The following DOCK8 variants were observed in gnomAD, a reference collection of about 807,000 sequenced individuals.
DOCK8 encodes the protein dedicator of cytokinesis protein 8.
DOCK8 carries 141 observed loss-of-function variants against 245.6 expected under a neutral mutation model. That is an observed-to-expected ratio of 0.57 (90% CI 0.50 to 0.66). The LOEUF (loss-of-function observed/expected upper bound fraction) is 0.66, where lower values mean the gene tolerates loss of function less well. DOCK8 is among the 30% of genes least tolerant of loss of function. The probability of loss-of-function intolerance (pLI) is 0.00; values close to 1 mark genes in which losing one functional copy is unlikely to be tolerated. For missense variants in DOCK8, 2,965 were observed against 2,603.4 expected (o/e 1.14, Z -3.02); for synonymous variants, 1,168 against 970.2 (o/e 1.20, Z -3.79).
chr9:298,983 T>A (rs2049402680), intron 4 of DOCK8, among the ~76,000 whole-genome samples: 1 of 152,158 alleles, frequency 6.6e-6, no homozygotes, highest in African/African-American at 2.4e-5. Context: ...TAGGATAAAT[T>A]AATGTTAGAT....
At chr9:343,079 C>T (rs11791146) in intron 14 of DOCK8, among the ~76,000 whole-genome samples, 6,084 of 152,190 alleles carry the variant, frequency 0.04, 150 homozygotes, top group Admixed American at 0.072. Context: ...TCCAGTATGA[C>T]GTATGTGGGA....
At position 334,218 on chromosome 9, in the gene DOCK8, C is replaced by T. The variant is rs763513686; in HGVS notation, c.1126-7C>T. ...GTTTCAGCTTGTTTCTTTCCATTTTCCTCCAGAGTAAAGAAAAGATTGAAA... is the reference window on the plus strand; with the variant it reads ...GTTTCAGCTTGTTTCTTTCCATTTTTCTCCAGAGTAAAGAAAAGATTGAAA... On this transcript the variant is annotated splice_polypyrimidine_tract_variant and splice_region_variant and intron_variant, in intron 10 of 47. Coordinates refer to ENST00000432829, the MANE Select transcript of DOCK8 (RefSeq NM_203447.4). 5 of 1,614,116 alleles carry T rather than the reference C, an allele frequency of 3.1e-6. No individual in the cohort carries two copies. Among genetic ancestry groups the T allele is most frequent in the East Asian group, 2.2e-5 (1 of 44,872 alleles).
intron 46 of DOCK8, among the ~76,000 whole-genome samples, chr9:453,213 C>T (rs962846366): frequency 9.2e-5 from 14 of 152,154 alleles, no homozygotes; most frequent in African/African-American, 1.9e-4. Context: ...GAATCACAGC[C>T]GCTTGGTAAT....
At chr9:434,301 A>G (rs890828601) in intron 38 of DOCK8, among the ~76,000 whole-genome samples, 7 of 152,216 alleles carry the variant, frequency 4.6e-5, no homozygotes, top group African/African-American at 1.7e-4. Context: ...TTTTGTTCCA[A>G]TTATATTCAG....
At chr9:247,405 C>T (rs961852707) in intron 1 of DOCK8, among the ~76,000 whole-genome samples, 8 of 152,086 alleles carry the variant, frequency 5.3e-5, no homozygotes, top group South Asian at 2.1e-4. Context: ...AGGGTATTTT[C>T]GACAGCAAAT....
chr9:214,805 C>G, upstream of DOCK8: 1 of 1,587,168 alleles, frequency 6.3e-7, no homozygotes. Context: ...CGAGCTCGGA[C>G]CCTCCCCCGG....
At chr9:263,964 T>C (rs1236024911) in intron 1 of DOCK8, among the ~76,000 whole-genome samples, 1 of 152,244 alleles carries the variant, frequency 6.6e-6, no homozygotes, top group South Asian at 2.1e-4. Flanking sequence ...TATAGAACTT[T>C]ATGAAGCTGC....
At chr9:326,022 T>G (rs567417156) in intron 8 of DOCK8, among the ~76,000 whole-genome samples, 1 of 152,186 alleles carries the variant, frequency 6.6e-6, no homozygotes, top group Non-Finnish European at 1.5e-5. Flanking sequence ...ACAAACCCAT[T>G]TAAATACATT....
chr9:315,919 C>G (rs1401068139), intron 6 of DOCK8, among the ~76,000 whole-genome samples: 1 of 152,156 alleles, frequency 6.6e-6, no homozygotes, highest in Non-Finnish European at 1.5e-5. Flanking sequence ...TATGTCTGTT[C>G]CAATGATCCT....
intron 40 of DOCK8, 75 bp from the exon 41 acceptor site, chr9:441,211 A>T (rs975087555): frequency 6.3e-7 from 1 of 1,593,078 alleles, no homozygotes; most frequent in Non-Finnish European, 8.6e-7. Flanking sequence ...CATTGTTTGG[A>T]CAATGACCTC....
chr9:255,666 T>TGAAAAAAAAAAAAAAAAAAA (rs1563844682), intron 1 of DOCK8, among the ~76,000 whole-genome samples: 1 of 104,632 alleles, frequency 9.6e-6, no homozygotes, highest in African/African-American at 3.9e-5. Flanking sequence ...AGACTCCATC[T>TGAAAAAAAAAAAAAAAAAAA]CCAAAAAAAA....
chr9:289,458 T>G, intron 3 of DOCK8, 52 bp from the exon 4 acceptor site: 1 of 1,450,156 alleles, frequency 6.9e-7, no homozygotes, highest in Non-Finnish European at 9.7e-7. Context: ...TAGGGGTTGT[T>G]TTGTTGTTTT....
In DOCK8 at chr9:370,125, A is replaced by G. The variant is rs115819195; in HGVS notation, c.1798-105A>G. On this transcript the variant is annotated intron_variant, in intron 15 of 47. Transcript: ENST00000432829. Reference sequence around the variant, plus strand: ...GCCAACCCAGCACTCTTAATTGTACAAAATGCAGCTCTATGAGACCAGAAC... The same window carrying G: ...GCCAACCCAGCACTCTTAATTGTACGAAATGCAGCTCTATGAGACCAGAAC... 9.1e-4 allele frequency: 912 copies of G among 1,006,086 alleles called. 8 individuals carry two copies. The African/African-American group carries it at 0.013, about 14-fold the overall frequency. 62.3% of individuals were successfully genotyped at this position (1,006,086 alleles called of 1,614,324 possible).
At chr9:456,193 A>C (rs2057635034) in intron 46 of DOCK8, 1 of 152,240 alleles carries the variant, frequency 6.6e-6, no homozygotes, top group Non-Finnish European at 1.5e-5. Flanking sequence ...ACGGTATGTA[A>C]ATCATACCCT....
At chr9:463,151 G>A (rs919358129) in intron 46 of DOCK8, among the ~76,000 whole-genome samples, 1 of 152,088 alleles carries the variant, frequency 6.6e-6, no homozygotes, top group African/African-American at 2.4e-5. Flanking sequence ...CAGCTACCCA[G>A]GAGGCTGAGG....
chr9:322,807 A>T (rs2050577320), intron 7 of DOCK8, among the ~76,000 whole-genome samples: 2 of 152,120 alleles, frequency 1.3e-5, no homozygotes, highest in South Asian at 4.1e-4. Flanking sequence ...GAAAGCCTCC[A>T]ATTGGCCTGG....
chr9:403,964 A>ACG (rs1359066571), intron 26 of DOCK8, among the ~76,000 whole-genome samples: 2 of 75,700 alleles, frequency 2.6e-5, no homozygotes, highest in African/African-American at 1.6e-4. Context: ...ATATATGTAT[A>ACG]TATATATATA....
chr9:336,615 C>T lies in DOCK8; in HGVS notation c.1319C>T (p.Ala440Val), dbSNP rs1412778734. The T allele has an allele frequency of 1.9e-6, 3 of 1,614,122 alleles. 1 individual carries two copies. The South Asian group carries it at 3.3e-5, about 18-fold the overall frequency. Residue 440 changes from alanine (A) to valine (V), a missense_variant, in exon 12 of 48, where the codon GCC becomes GTC. Transcript: ENST00000432829. ...RSSVGERRTL[A>V]QSRRLSERAL... ...TCAGTGGGTGAACGGAGGACATTGG[C>T]CCAATCTAGAAGGCTTTCTGAAAGA...
chr9:274,920 A>T (rs1306973477), intron 2 of DOCK8, among the ~76,000 whole-genome samples: 1 of 152,196 alleles, frequency 6.6e-6, no homozygotes, highest in East Asian at 1.9e-4. Flanking sequence ...TGCTGATACA[A>T]ATGATTGTTT....
Sources: allele counts gnomAD v4.1 joint callset (sites outside exome capture counted in the v4.1 genomes callset), GRCh38; gene constraint gnomAD v4.1.1; transcripts MANE v1.5; gene names NCBI Gene and HGNC (gene_info 2026-07-23, HGNC 2026-07-21).